The following HMGCL variants were observed in gnomAD, a reference collection of about 807,000 sequenced individuals.
The protein encoded by HMGCL is 3-hydroxy-3-methylglutaryl-CoA lyase.
Under a neutral mutation model 37.3 loss-of-function variants are expected in HMGCL, and 26 were observed. The observed-to-expected ratio is 0.70, with a 90% CI of 0.51 to 0.97. The LOEUF (loss-of-function observed/expected upper bound fraction) is 0.97, where lower values mean the gene tolerates loss of function less well. Among genes scored for constraint, HMGCL ranks in the 50% least tolerant of loss-of-function variants. The pLI is 0.00. For synonymous variants in HMGCL, 151 were observed against 148.0 expected, an observed-to-expected ratio of 1.02 and a Z score of -0.15; for missense variants, 379 against 398.1, an observed-to-expected ratio of 0.95 and a Z score of 0.41.
chr1:23,809,905 T>A (rs1570646963), intron 6 of HMGCL: 1 of 152,456 alleles, frequency 6.6e-6, no homozygotes, highest in African/African-American at 2.4e-5. Context: ...GGCAGCAGGG[T>A]GCAGGGGAAG....
intron 6 of HMGCL, chr1:23,810,015 A>G (rs1638490463): frequency 6.5e-6 from 1 of 153,176 alleles, no homozygotes; most frequent in Non-Finnish European, 1.5e-5. Flanking sequence ...CTGAGCTTCA[A>G]TTTCTGCTTC....
intron 4 of HMGCL, among the ~76,000 whole-genome samples, chr1:23,815,863 C>CT (rs1158727300): frequency 6.6e-6 from 1 of 151,070 alleles, no homozygotes; most frequent in Non-Finnish European, 1.5e-5. Flanking sequence ...AAAAAAAAAA[C>CT]TTTGATTTTC....
Position 23,802,569 on chromosome 1 carries a change from G to C in HMGCL, c.877-5C>G, listed in dbSNP as rs1272080518. On this transcript the variant is annotated splice_polypyrimidine_tract_variant and splice_region_variant and intron_variant, in intron 8 of 8. Transcript: ENST00000374490. ...AAGCTTCTGGAGATTCACACCCTTTGAGAAACAAGTTAGAGGATGCGGTAA... is the reference window on the plus strand; with the variant it reads ...AAGCTTCTGGAGATTCACACCCTTTCAGAAACAAGTTAGAGGATGCGGTAA... The C allele has an allele frequency of 1.3e-6, 2 of 1,598,876 alleles. No individual in the cohort carries two copies. The highest frequency in any genetic ancestry group is 1.7e-6 in the Non-Finnish European group (2 of 1,166,202).
At chr1:23,817,454 T>G (rs767464363) in intron 3 of HMGCL, 22 bp downstream of exon 3, 63 of 1,413,316 alleles carry the variant, frequency 4.5e-5, no homozygotes, top group Middle Eastern at 1.8e-4. Context: ...AGAAAGGCCT[T>G]TCATTGAGGG....
At position 23,802,515 on chromosome 1, in the gene HMGCL, G is replaced by A. The variant is rs570149263; in HGVS notation, c.926C>T (p.Ala309Val). 9 of 1,613,906 alleles carry A rather than the reference G, an allele frequency of 5.6e-6. No individual in the cohort carries two copies. Among genetic ancestry groups the A allele is most frequent in the East Asian group, 4.5e-5 (2 of 44,908 alleles). The change falls in exon 9 of 9, where the codon GCC (alanine) becomes GTC (valine). Residue 309 changes from alanine (A) to valine (V), a missense_variant. By Grantham distance (64) the Ala-to-Val change is moderately conservative (BLOSUM62 0). Coordinates refer to ENST00000374490, the MANE Select transcript of HMGCL (RefSeq NM_000191.3). Reference sequence around the variant, plus strand: ...TTTGGAGCTAGTTTTTCTGTTCAGGGCTTGACAGATAAAGTTTCCAGCTTC... The same window carrying A: ...TTTGGAGCTAGTTTTTCTGTTCAGGACTTGACAGATAAAGTTTCCAGCTTC... ...LLEAGNFICQ[A>V]LNRKTSSKVA...
intron 1 of HMGCL, among the ~76,000 whole-genome samples, chr1:23,824,079 C>T (rs1158576084): frequency 2.0e-5 from 3 of 152,172 alleles, no homozygotes; most frequent in African/African-American, 4.8e-5. Context: ...TCCCGTTCCT[C>T]CTCTGTAAAG....
chr1:23,808,023 A>T, intron 7 of HMGCL, 112 bp downstream of exon 7: 1 of 1,003,394 alleles, frequency 1.0e-6, no homozygotes. Context: ...CACCATTGCC[A>T]GCTTGGAACC....
rs561083541 is a variant in HMGCL at position 23,804,804 on chromosome 1, T to G, written c.751-279A>C. On this transcript the variant is annotated intron_variant, in intron 7 of 8. Transcript: ENST00000374490. The stretch of plus-strand genomic sequence containing the variant: ...AAGCCACCTGCTCAGGGAGACCTTT[T>G]CTGATCACCAGCCTAACCCCCTCCC... Among the ~76,000 whole-genome samples, 28 of 152,132 alleles carry G rather than the reference T, an allele frequency of 1.8e-4. 1 individual carries two copies. Among genetic ancestry groups the G allele is most frequent in the African/African-American group, 6.3e-4 (26 of 41,460 alleles).
At chr1:23,809,257 T>A (rs1387330627) in intron 6 of HMGCL, 1 of 116,064 alleles carries the variant, frequency 8.6e-6, no homozygotes, top group African/African-American at 3.3e-5. Flanking sequence ...TTTTTTTTTT[T>A]AGATGGAGTC....
At chr1:23,805,828 C>G (rs916082112) in intron 7 of HMGCL, among the ~76,000 whole-genome samples, 1 of 152,216 alleles carries the variant, frequency 6.6e-6, no homozygotes, top group South Asian at 2.1e-4. Context: ...CTGCTGAGAT[C>G]CGGTCACGCA....
intron 6 of HMGCL, chr1:23,810,263 T>C (rs886585230): frequency 3.5e-4 from 67 of 190,844 alleles, no homozygotes; most frequent in African/African-American, 1.5e-3. Flanking sequence ...TTTTCTCAAC[T>C]GTAAAAGGGA....
At chr1:23,810,562 G>A (rs1301474023) in intron 6 of HMGCL, 174 bp downstream of exon 6, 8 of 647,146 alleles carry the variant, frequency 1.2e-5, no homozygotes, top group Non-Finnish European at 2.3e-5. Flanking sequence ...TAGGAGGGGG[G>A]CCTCTAGGGA....
At chr1:23,820,474 GAA>G (rs755649975) in intron 2 of HMGCL, 34 bp downstream of exon 2, 6 of 1,487,538 alleles carry the variant, frequency 4.0e-6, no homozygotes, top group Non-Finnish European at 5.6e-6. Context: ...GCAGATGCTT[GAA>G]AAAACTGTTT....
intron 3 of HMGCL, 29 bp from the exon 4 acceptor site, chr1:23,816,799 C>A: frequency 7.6e-7 from 1 of 1,314,472 alleles, no homozygotes; most frequent in South Asian, 1.2e-5. Flanking sequence ...ATTGCCAAGT[C>A]ATCACCAAGA....
At chr1:23,819,943 T>C (rs563988903) in intron 2 of HMGCL, among the ~76,000 whole-genome samples, 2 of 152,264 alleles carry the variant, frequency 1.3e-5, no homozygotes, top group Admixed American at 1.3e-4. Flanking sequence ...TATTTCATTT[T>C]ATAAAAAGTC....
In HMGCL at chr1:23,810,781, A is replaced by T; in HGVS notation, c.516T>A (p.Leu172=). The change falls in exon 6 of 9, where the codon CTT becomes CTA. Residue 172 remains leucine, a synonymous_variant. Coordinates refer to ENST00000374490, the MANE Select transcript of HMGCL (RefSeq NM_000191.3). ...ISVRGYVSCA[L]GCPYEGKISP... Reference sequence around the variant, plus strand: ...AGATCTTCCCTTCATAAGGGCAGCCAAGAGCACAGGAGACGTACCTGTGGG... The same window carrying T: ...AGATCTTCCCTTCATAAGGGCAGCCTAGAGCACAGGAGACGTACCTGTGGG... 6.2e-7 allele frequency: 1 copy of T among 1,614,004 alleles called. No individual in the cohort carries two copies. Among genetic ancestry groups the T allele is most frequent in the South Asian group, 1.1e-5 (1 of 91,074 alleles).
intron 1 of HMGCL, among the ~76,000 whole-genome samples, chr1:23,821,365 A>AT (rs1224696056): frequency 6.7e-6 from 1 of 149,876 alleles, no homozygotes; most frequent in African/African-American, 2.5e-5. Context: ...TCCAAAAAAA[A>AT]TAAAAAAAGG....
rs1638662316 is a variant in HMGCL at position 23,818,958 on chromosome 1, A to G, written c.145-1375T>C. Among the ~76,000 whole-genome samples, 2 of 143,472 alleles carry G rather than the reference A, an allele frequency of 1.4e-5. 1 individual carries two copies. Among genetic ancestry groups the G allele is most frequent in the South Asian group, 4.4e-4 (2 of 4,558 alleles). 94.1% of individuals were successfully genotyped at this position (143,472 alleles called of 152,430 possible). On this transcript the variant is annotated intron_variant, in intron 2 of 8. Transcript: ENST00000374490. ...GATTCTGCCCTTCGGGAACTTACAC[A>G]CTATTGTTTCCAACAAGCACTCACT...
intron 5 of HMGCL, chr1:23,813,831 C>A: frequency 3.0e-6 from 1 of 334,610 alleles, no homozygotes. Context: ...CTCCACAAAC[C>A]CGTTAGTGTC....
Sources: gnomAD v4.1 joint callset for allele counts (sites outside exome capture counted in the v4.1 genomes callset) on GRCh38, gnomAD v4.1.1 for gene constraint, MANE v1.5 for transcripts, NCBI Gene and HGNC (gene_info 2026-07-23, HGNC 2026-07-21) for gene names.